Variants in TUBAL3 observed in about 807,000 individuals in gnomAD.
TUBAL3 encodes the protein tubulin alpha chain-like 3.
A neutral mutation model predicts 15.5 loss-of-function variants in TUBAL3; 16 were observed. The observed-to-expected ratio is 1.04, with a 90% confidence interval of 0.70 to 1.57. TUBAL3 has a LOEUF of 1.57. TUBAL3 is among the 40% of genes most tolerant of loss of function. The pLI, the probability that TUBAL3 is intolerant of heterozygous loss-of-function variation, is 0.00. For synonymous variants in TUBAL3, 238 were observed against 224.3 expected (o/e 1.06, Z -0.55); for missense variants, 609 against 576.2 (o/e 1.06, Z -0.58).
chr10:5,396,872 G>A lies in TUBAL3; in HGVS notation c.248-1397C>T, dbSNP rs1313621926. Among the ~76,000 whole-genome samples the A allele has an allele frequency of 2.0e-5, 3 of 152,194 alleles. No homozygotes were observed. The highest frequency in any genetic ancestry group is 4.8e-5 in the African/African-American group (2 of 41,444). On this transcript the variant is annotated intron_variant, in intron 2 of 3. Transcript: ENST00000380419. The surrounding 1 kb of genome is among the most constrained non-coding windows in gnomAD (Gnocchi z 5.1). ...CTGTGGGATACTGCATTGCTTAGTA[G>A]TTAAATGCATGTTTCAAGAATCAGT...
In TUBAL3 at chr10:5,400,923, G is replaced by T. The variant is rs534913397; in HGVS notation, c.168C>A (p.Phe56Leu). 1.2e-6 allele frequency: 2 copies of T among 1,614,228 alleles called. No individual in the cohort carries two copies. The highest frequency in any genetic ancestry group is 8.5e-7 in the Non-Finnish European group (1 of 1,180,044). The change falls in exon 2 of 4, where the codon TTC (phenylalanine) becomes TTA (leucine). Residue 56 changes from phenylalanine (F) to leucine (L), a missense_variant. Transcript: ENST00000380419. Reference sequence around the variant, plus strand: ...CTCTTGTCTCACAGAAGAAGGTATCGAAAGATGCATTTGTGTGCTCCATTT... The same window carrying T: ...CTCTTGTCTCACAGAAGAAGGTATCTAAAGATGCATTTGTGTGCTCCATTT... ...NAKMEHTNAS[F>L]DTFFCETRAG...
In TUBAL3 at chr10:5,394,383, G is replaced by A; in HGVS notation, c.475C>T (p.Leu159Phe). The change falls in exon 4 of 4, where the codon CTC becomes TTC. Residue 159 changes from leucine to phenylalanine, a missense_variant. Physicochemically the swap from Leu to Phe is conservative, Grantham distance 22. Coordinates refer to ENST00000380419, the MANE Select transcript of TUBAL3 (RefSeq NM_024803.3). The surrounding 1 kb of genome is among the most constrained non-coding windows in gnomAD (Gnocchi z 4.3). ...GGGTGSGFTS[L>F]LMERLTGEYS... ...TCTCCTGTGAGCCTCTCCATTAAGAGAGACGTAAACCCTGAACCAGTGCCT... is the reference window on the plus strand; with the variant it reads ...TCTCCTGTGAGCCTCTCCATTAAGAAAGACGTAAACCCTGAACCAGTGCCT... 1 of 1,614,172 alleles carries A rather than the reference G, an allele frequency of 6.2e-7. No individual in the cohort carries two copies. Among genetic ancestry groups the A allele is most frequent in the Non-Finnish European group, 8.5e-7 (1 of 1,180,028 alleles).
At chr10:5,398,523 CAGG>C (rs1414940004) in intron 2 of TUBAL3, among the ~76,000 whole-genome samples, 1 of 151,630 alleles carries the variant, frequency 6.6e-6, no homozygotes, top group African/African-American at 2.4e-5. Flanking sequence ...TGCTTGAGCC[CAGG>C]AGTTCACTGA....
In TUBAL3 at chr10:5,398,420, CAAA is replaced by C. The variant is rs67359864; in HGVS notation, c.247+2421_247+2423del. On this transcript the variant is annotated intron_variant, in intron 2 of 3. Coordinates refer to ENST00000380419, the MANE Select transcript of TUBAL3 (RefSeq NM_024803.3). ...GGGCAAAAAGAGCAAAACTCTGTCTCAAAAAAAAAAAAAAAAAAAAAAAAAAAA... is the reference window on the plus strand; with the variant it reads ...GGGCAAAAAGAGCAAAACTCTGTCTCAAAAAAAAAAAAAAAAAAAAAAAAA... Among the ~76,000 whole-genome samples, 625 of 80,772 alleles carry C rather than the reference CAAA, an allele frequency of 7.7e-3. 2 individuals are homozygous for C. Among genetic ancestry groups the C allele is most frequent in the African/African-American group, 0.03 (557 of 18,518 alleles). The allele number at this position is 80,772 out of a possible 152,430, so 53.0% of individuals were successfully genotyped here.
rs149127671 is a variant in TUBAL3, at chr10:5,402,278, A to G, written c.4-1191T>C. ...AAACAGACAATGATCTACGTTTTTA[A>G]GAGAAGGAAAGAAAAAAAATGAGAA... is the stretch of plus-strand genomic sequence containing the variant. On this transcript the variant is annotated intron_variant, in intron 1 of 3. Transcript: ENST00000380419. Among the ~76,000 whole-genome samples, 1,056 of 152,284 alleles carry G rather than the reference A, an allele frequency of 6.9e-3. 11 individuals are homozygous for G. The highest frequency in any genetic ancestry group is 0.024 in the African/African-American group (988 of 41,556).
chr10:5,393,205 A>C lies in TUBAL3; in HGVS notation c.*312T>G. Reference sequence around the variant, plus strand: ...TTTCTACTTCCGGTACCAGAAAGGAAAAGCATAAACTTCAGGATTTCATTG... The same window carrying C: ...TTTCTACTTCCGGTACCAGAAAGGACAAGCATAAACTTCAGGATTTCATTG... On this transcript the variant is annotated 3_prime_UTR_variant, in exon 4 of 4. Transcript: ENST00000380419. The C allele has an allele frequency of 3.7e-6, 1 of 270,422 alleles. No homozygotes were observed. Among genetic ancestry groups the C allele is most frequent in the Non-Finnish European group, 6.9e-6 (1 of 145,236 alleles). 16.8% of individuals were successfully genotyped at this position (270,422 alleles called of 1,614,324 possible).
chr10:5,394,957 G>A lies in TUBAL3; in HGVS notation c.396+370C>T, dbSNP rs1030045679. Among the ~76,000 whole-genome samples, 6 of 152,078 alleles carry A rather than the reference G, an allele frequency of 3.9e-5. No homozygotes were observed. The highest frequency in any genetic ancestry group is 1.4e-4 in the African/African-American group (6 of 41,410). On this transcript the variant is annotated intron_variant, in intron 3 of 3. Coordinates refer to ENST00000380419, the MANE Select transcript of TUBAL3 (RefSeq NM_024803.3). The surrounding 1 kb of genome is among the most constrained non-coding windows in gnomAD (Gnocchi z 4.3). ...AATAGAGTCACGCATCTCCAGATAGGGAGTGCCTCTTGCTAACTTCATAAA... is the reference window on the plus strand; with the variant it reads ...AATAGAGTCACGCATCTCCAGATAGAGAGTGCCTCTTGCTAACTTCATAAA...
Position 5,400,469 on chromosome 10 carries a change from T to C in TUBAL3, c.247+375A>G, listed in dbSNP as rs553107958. ...CAACATAGTGAAACTCCATCTCTAC[T>C]AAAAATACAAAAATTAACCAGGCAT... On this transcript the variant is annotated intron_variant, in intron 2 of 3. Coordinates refer to ENST00000380419, the MANE Select transcript of TUBAL3 (RefSeq NM_024803.3). 1.5e-4 allele frequency among the ~76,000 whole-genome samples: 23 copies of C among 152,124 alleles called. 2 individuals carry two copies. In the East Asian group the frequency reaches 4.5e-3, roughly 29 times the overall value.
chr10:5,400,819 T>C (rs1479879847), intron 2 of TUBAL3, 25 bp downstream of exon 2: 2 of 1,613,514 alleles, frequency 1.2e-6, no homozygotes, highest in East Asian at 4.5e-5. Flanking sequence ...CAGTTAAGTA[T>C]GCTAGAATGG....
chr10:5,398,286 G>A (rs2119143494), intron 2 of TUBAL3, among the ~76,000 whole-genome samples: 1 of 152,144 alleles, frequency 6.6e-6, no homozygotes, highest in East Asian at 1.9e-4. Context: ...AGGGCATGGT[G>A]ACATGTGCCT....
intron 2 of TUBAL3, among the ~76,000 whole-genome samples, chr10:5,398,798 T>C (rs1432466916): frequency 6.6e-6 from 1 of 152,150 alleles, no homozygotes; most frequent in African/African-American, 2.4e-5. Context: ...TTAGTGTGAG[T>C]ATATTTTATG....
At position 5,395,196 on chromosome 10, in the gene TUBAL3, A is replaced by C. The variant is rs191065100; in HGVS notation, c.396+131T>G. Reference sequence around the variant, plus strand: ...AGATGAGAACCCCTCCCCAGTTCTGAGCACCCAGACCAGAGCCCAGGGAGA... The same window carrying C: ...AGATGAGAACCCCTCCCCAGTTCTGCGCACCCAGACCAGAGCCCAGGGAGA... On this transcript the variant is annotated intron_variant, in intron 3 of 3. Transcript: ENST00000380419. The surrounding 1 kb of genome is among the most constrained non-coding windows in gnomAD (Gnocchi z 4.6). The C allele has an allele frequency of 2.5e-4, 251 of 985,728 alleles. No individual in the cohort carries two copies. In the African/African-American group the frequency reaches 3.6e-3, roughly 14 times the overall value. The allele number at this position is 985,728 out of a possible 1,614,324, so 61.1% of individuals were successfully genotyped here.
chr10:5,393,301 G>T lies in TUBAL3; in HGVS notation c.*216C>A. 2.1e-6 allele frequency: 1 copy of T among 474,886 alleles called. No homozygotes were observed. Among genetic ancestry groups the T allele is most frequent in the Non-Finnish European group, 3.7e-6 (1 of 273,238 alleles). The allele number at this position is 474,886 out of a possible 1,614,324, so 29.4% of individuals were successfully genotyped here. On this transcript the variant is annotated 3_prime_UTR_variant, in exon 4 of 4. Transcript: ENST00000380419. ...TTCAAAGGACTCTAAGCTTCCAAAG[G>T]CTCCCAGGTAGCAGAGCTGACTTGT...
intron 2 of TUBAL3, among the ~76,000 whole-genome samples, chr10:5,398,420 CAAAAAAAAAAAAA>C (rs67359864): frequency 1.9e-4 from 15 of 80,858 alleles, no homozygotes; most frequent in Admixed American, 5.5e-4. Context: ...AACTCTGTCT[CAAAAAAAAAAAAA>C]AAAAAAAAAA....
Position 5,401,232 on chromosome 10 carries a change from T to G in TUBAL3, c.4-145A>C, listed in dbSNP as rs1831847370. 3 of 1,019,794 alleles carry G rather than the reference T, an allele frequency of 2.9e-6. No individual in the cohort carries two copies. In the East Asian group the frequency reaches 7.6e-5, roughly 26 times the overall value. 63.2% of individuals were successfully genotyped at this position (1,019,794 alleles called of 1,614,324 possible). A position where few individuals can be genotyped will look rare whatever the true frequency, so the allele number is the denominator to read the frequency against. On this transcript the variant is annotated intron_variant, in intron 1 of 3. Transcript: ENST00000380419. ...TGTTATAAGGATAATCAAAAGCGTTTCATGGAAACCAAGACCCAGGGTACA... is the reference window on the plus strand; with the variant it reads ...TGTTATAAGGATAATCAAAAGCGTTGCATGGAAACCAAGACCCAGGGTACA...
In TUBAL3 at chr10:5,400,869, G is replaced by A. The variant is rs868921452; in HGVS notation, c.222C>T (p.Phe74=). Residue 74 remains phenylalanine (F), a synonymous_variant, in exon 2 of 4, where the codon TTC becomes TTT. Transcript: ENST00000380419. ...RAGKHVPRAL[F]VDLEPTVIDG... ...CTATAACAGTTGGCTCCAAGTCCAC[G>A]AAGAGTGCTCTAGGCACATGCTTCC... 1.4e-5 allele frequency: 22 copies of A among 1,614,080 alleles called. No individual in the cohort carries two copies. Among genetic ancestry groups the A allele is most frequent in the African/African-American group, 8.0e-5 (6 of 74,944 alleles).
intron 1 of TUBAL3, among the ~76,000 whole-genome samples, chr10:5,404,206 T>C (rs1831898838): frequency 6.6e-6 from 1 of 152,088 alleles, no homozygotes; most frequent in African/African-American, 2.4e-5. Flanking sequence ...CATTGAAGAA[T>C]TAAAAATTCA....
At chr10:5,402,200 T>C (rs1359367530) in intron 1 of TUBAL3, among the ~76,000 whole-genome samples, 2 of 152,104 alleles carry the variant, frequency 1.3e-5, no homozygotes, top group African/African-American at 4.8e-5. Flanking sequence ...ACCTTCATAT[T>C]CCCCCATCCC....
At position 5,395,492 on chromosome 10, in the gene TUBAL3, G is replaced by A. The variant is rs375805773; in HGVS notation, c.248-17C>T. ...GGATCCCATCTGCAGAGGGTGAAAG[G>A]AGGTCAGTGCAACTCACCCAGTGCA... On this transcript the variant is annotated splice_polypyrimidine_tract_variant and intron_variant, in intron 2 of 3. Coordinates refer to ENST00000380419, the MANE Select transcript of TUBAL3 (RefSeq NM_024803.3). This position sits in a 1 kb window ranked among gnomAD's most constrained non-coding sequence, Gnocchi z 4.6. The A allele has an allele frequency of 7.8e-5, 116 of 1,492,162 alleles. No individual in the cohort carries two copies. Among genetic ancestry groups the A allele is most frequent in the Non-Finnish European group, 9.0e-5 (100 of 1,108,286 alleles). The allele number at this position is 1,492,162 out of a possible 1,614,324, so 92.4% of individuals were successfully genotyped here. A position where few individuals can be genotyped will look rare whatever the true frequency, so the allele number is the denominator to read the frequency against.
Sources: allele counts gnomAD v4.1 joint callset (sites outside exome capture counted in the v4.1 genomes callset), GRCh38; gene constraint gnomAD v4.1.1; non-coding constraint Gnocchi (gnomAD v3.1); transcripts MANE v1.5; gene names NCBI Gene and HGNC (gene_info 2026-07-23, HGNC 2026-07-21).